The following SLC5A4 variants were observed in gnomAD, a reference collection of about 807,000 sequenced individuals.
The protein encoded by SLC5A4 is probable glucose sensor protein SLC5A4.
In SLC5A4, 55 loss-of-function variants were observed where a neutral mutation model predicts 70.3. That is an observed-to-expected ratio of 0.78 (90% CI 0.63 to 0.98). The LOEUF is 0.98. Among genes scored for constraint, SLC5A4 ranks in the 50% least tolerant of loss-of-function variants. The pLI is 0.00. For synonymous variants in SLC5A4, 268 were observed against 305.7 expected, an observed-to-expected ratio of 0.88 and a Z score of 1.29; for missense variants, 735 against 839.2, an observed-to-expected ratio of 0.88 and a Z score of 1.53.
the SLC5A4 span, chr22:32,270,339 T>C: frequency 1.8e-6 from 2 of 1,081,614 alleles, no homozygotes; most frequent in Non-Finnish European, 2.9e-6. Context: ...AGAATGGGGC[T>C]CTGTCGGTGC....
At chr22:32,300,307 G>T in the SLC5A4 span, among the ~76,000 whole-genome samples, 10 of 148,234 alleles carry the variant, frequency 6.7e-5, no homozygotes, top group Admixed American at 1.3e-4. Context: ...TAGCAATCAG[G>T]GAGACTCCGT....
intron 3 of SLC5A4, among the ~76,000 whole-genome samples, chr22:32,249,997 CA>C (rs1437810480): frequency 3.9e-5 from 6 of 152,018 alleles, no homozygotes; most frequent in Non-Finnish European, 5.9e-5. Flanking sequence ...CCAGGGCAGT[CA>C]AAAGATTGGA....
At chr22:32,310,474 G>A in the SLC5A4 span, among the ~76,000 whole-genome samples, 1 of 151,538 alleles carries the variant, frequency 6.6e-6, no homozygotes, top group Non-Finnish European at 1.5e-5. Flanking sequence ...AGCTGGGCTA[G>A]CAGACAGGCT....
the SLC5A4 span, among the ~76,000 whole-genome samples, chr22:32,335,258 A>G: frequency 2.0e-5 from 3 of 152,204 alleles, no homozygotes; most frequent in Admixed American, 6.5e-5. Flanking sequence ...AGACAGCTCA[A>G]GCCAGCTCAC....
chr22:32,288,985 C>T, the SLC5A4 span, among the ~76,000 whole-genome samples: 1 of 152,008 alleles, frequency 6.6e-6, no homozygotes, highest in Non-Finnish European at 1.5e-5. Flanking sequence ...CTGCCTGGGA[C>T]TTCATAGTCA....
chr22:32,282,195 A>T, the SLC5A4 span, among the ~76,000 whole-genome samples: 2 of 151,632 alleles, frequency 1.3e-5, no homozygotes, highest in Non-Finnish European at 2.9e-5. Context: ...TAGGAGCGAA[A>T]CTCCTCTCCG....
upstream of SLC5A4, among the ~76,000 whole-genome samples, chr22:32,256,731 G>A (rs1166882818): frequency 6.6e-6 from 1 of 152,126 alleles, no homozygotes; most frequent in Non-Finnish European, 1.5e-5. Flanking sequence ...CATCCATATT[G>A]TAGCATGTAT....
chr22:32,294,609 C>T, the SLC5A4 span, among the ~76,000 whole-genome samples: 71,685 of 150,284 alleles, frequency 0.48, 17,260 homozygotes, highest in Admixed American at 0.51. Context: ...TAATATGGTA[C>T]CCATTTTTAT....
chr22:32,338,226 GGATA>G, the SLC5A4 span, among the ~76,000 whole-genome samples: 1 of 152,152 alleles, frequency 6.6e-6, no homozygotes, highest in Non-Finnish European at 1.5e-5. Context: ...GAAACGTGGG[GGATA>G]AATGTTGCTT....
At position 32,251,955 on chromosome 22, in the gene SLC5A4, C is replaced by T. The variant is rs529259789; in HGVS notation, c.208-81G>A. 188 of 1,047,812 alleles carry T rather than the reference C, an allele frequency of 1.8e-4. 2 individuals are homozygous for T. The East Asian group carries it at 4.3e-3, about 24-fold the overall frequency. The allele number at this position is 1,047,812 out of a possible 1,614,324, so 64.9% of individuals were successfully genotyped here. A position where few individuals can be genotyped will look rare whatever the true frequency, so the allele number is the denominator to read the frequency against. On this transcript the variant is annotated intron_variant, in intron 2 of 14. Transcript: ENST00000266086. ...TTGAAAATAGACAGATGTAGCTGGG[C>T]GTGGTGGCTCACGCCTGTAATCCCA...
intron 3 of SLC5A4, among the ~76,000 whole-genome samples, chr22:32,250,128 G>A (rs912744736): frequency 1.3e-5 from 2 of 152,140 alleles, no homozygotes; most frequent in Non-Finnish European, 2.9e-5. Flanking sequence ...TGACATTCCT[G>A]GTGGGAATAA....
chr22:32,239,541 TATATATATATATA>T (rs1926294072), intron 5 of SLC5A4, among the ~76,000 whole-genome samples: 6 of 11,214 alleles, frequency 5.4e-4, no homozygotes, highest in African/African-American at 9.9e-4. Flanking sequence ...TATATATATA[TATATATATATATA>T]TATATATATA....
At chr22:32,330,772 TGG>T in the SLC5A4 span, among the ~76,000 whole-genome samples, 2 of 25,638 alleles carry the variant, frequency 7.8e-5, no homozygotes, top group Non-Finnish European at 7.3e-5. Flanking sequence ...GTGTATGTGT[TGG>T]GGGCTCTGGT....
the SLC5A4 span, chr22:32,327,510 G>A: frequency 2.0e-5 from 3 of 152,492 alleles, no homozygotes; most frequent in Non-Finnish European, 1.5e-5. Context: ...TGCTGCCCAG[G>A]GAGGAGCTGA....
At chr22:32,236,790 C>T (rs1926086668) in intron 7 of SLC5A4, among the ~76,000 whole-genome samples, 1 of 151,762 alleles carries the variant, frequency 6.6e-6, no homozygotes, top group South Asian at 2.1e-4. Flanking sequence ...CTGCAACCTC[C>T]GATTTCCGGG....
chr22:32,257,181 G>A (rs1927529386), upstream of SLC5A4, among the ~76,000 whole-genome samples: 1 of 152,076 alleles, frequency 6.6e-6, no homozygotes, highest in African/African-American at 2.4e-5. Flanking sequence ...ATTTTTTCAT[G>A]TGCTTATAGC....
the SLC5A4 span, chr22:32,270,094 G>A: frequency 2.2e-5 from 11 of 509,730 alleles, no homozygotes; most frequent in Admixed American, 1.3e-4. Flanking sequence ...CACATGGCCA[G>A]CTGGTCAGCC....
chr22:32,228,733 C>T (rs968421283), intron 11 of SLC5A4, among the ~76,000 whole-genome samples: 1 of 152,136 alleles, frequency 6.6e-6, no homozygotes, highest in African/African-American at 2.4e-5. Context: ...TTAGTCCCTT[C>T]CCTGCTCCTT....
the SLC5A4 span, among the ~76,000 whole-genome samples, chr22:32,335,506 G>C: frequency 4.6e-5 from 7 of 152,192 alleles, no homozygotes; most frequent in Admixed American, 4.6e-4. Context: ...AGCGGAGTAC[G>C]GAGCTAGGCC....
Sources: allele counts gnomAD v4.1 joint callset (sites outside exome capture counted in the v4.1 genomes callset), GRCh38; gene constraint gnomAD v4.1.1; transcripts MANE v1.5; gene names NCBI Gene and HGNC (gene_info 2026-07-23, HGNC 2026-07-21).